The following MCF2L2 variants were observed in gnomAD, a reference collection of about 807,000 sequenced individuals.
MCF2L2 encodes the protein probable guanine nucleotide exchange factor MCF2L2.
MCF2L2 carries 102 observed loss-of-function variants against 150.2 expected under a neutral mutation model. The observed-to-expected ratio is 0.68, with a 90% confidence interval of 0.58 to 0.80. The LOEUF is 0.80. MCF2L2 is among the 30% of genes least tolerant of loss of function. The pLI is 0.00. For synonymous variants in MCF2L2, 465 were observed against 491.3 expected, an observed-to-expected ratio of 0.95 and a Z score of 0.71; for missense variants, 1,256 against 1,372.8, an observed-to-expected ratio of 0.91 and a Z score of 1.34.
intron 15 of MCF2L2, among the ~76,000 whole-genome samples, chr3:183,248,220 A>G (rs1276622942): frequency 6.6e-6 from 1 of 152,088 alleles, no homozygotes; most frequent in Non-Finnish European, 1.5e-5. Flanking sequence ...TGCAGAGCCA[A>G]TTAGGTATTA....
intron 21 of MCF2L2, among the ~76,000 whole-genome samples, chr3:183,218,396 G>A (rs1723021843): frequency 6.6e-6 from 1 of 152,156 alleles, no homozygotes; most frequent in African/African-American, 2.4e-5. Flanking sequence ...AGCACTTTGG[G>A]AGGCCGAGGG....
At chr3:183,303,450 C>G (rs184222127) in intron 10 of MCF2L2, among the ~76,000 whole-genome samples, 2 of 152,316 alleles carry the variant, frequency 1.3e-5, no homozygotes, top group Admixed American at 1.3e-4. Context: ...TCCAGTGCAT[C>G]ACTGCACTGC....
rs545899050 is a variant in MCF2L2 at position 183,188,163 on chromosome 3, T to C, written c.3016+4836A>G. 1.3e-3 allele frequency among the ~76,000 whole-genome samples: 196 copies of C among 152,242 alleles called. 1 individual carries two copies. Among genetic ancestry groups the C allele is most frequent in the African/African-American group, 4.4e-3 (184 of 41,522 alleles). On this transcript the variant is annotated intron_variant, in intron 27 of 29. Transcript: ENST00000328913. ...GGACCCCCACTATACATGCCACCAG[T>C]AGAAGTGCCTGATGGGGAGAGGGAT...
chr3:183,266,406 G>A (rs373262563), intron 15 of MCF2L2, among the ~76,000 whole-genome samples: 20 of 152,322 alleles, frequency 1.3e-4, no homozygotes, highest in African/African-American at 4.6e-4. Context: ...AACTGCAGAT[G>A]CTTTTCAGTT....
chr3:183,333,526 GTA>G (rs1256646395), intron 5 of MCF2L2, among the ~76,000 whole-genome samples: 1 of 152,088 alleles, frequency 6.6e-6, no homozygotes, highest in Admixed American at 6.5e-5. Flanking sequence ...CCAGCTTCTT[GTA>G]TATCTTGTGT....
At chr3:183,425,599 G>A (rs16857466) in intron 1 of MCF2L2, among the ~76,000 whole-genome samples, 43,327 of 151,926 alleles carry the variant, frequency 0.29, 7,012 homozygotes, top group African/African-American at 0.44. Context: ...AGAAACGCCC[G>A]CTCCACCTTG....
In MCF2L2 at chr3:183,223,726, C is replaced by T. The variant is rs180941423; in HGVS notation, c.2209-288G>A. Among the ~76,000 whole-genome samples the T allele has an allele frequency of 1.1e-4, 17 of 152,296 alleles. No individual in the cohort carries two copies. The East Asian group carries it at 2.7e-3, about 24-fold the overall frequency. ...TTCACTAGAAGACAGTGGGGCATTT[C>T]AAGTCCTTCTGAAAAAGAGGCCACC... On this transcript the variant is annotated intron_variant, in intron 19 of 29. Transcript: ENST00000328913.
intron 1 of MCF2L2, among the ~76,000 whole-genome samples, chr3:183,421,610 A>G (rs1715887242): frequency 6.6e-6 from 1 of 152,176 alleles, no homozygotes; most frequent in South Asian, 2.1e-4. Flanking sequence ...TTGCGGCTGT[A>G]CTGAAGTTTT....
intron 15 of MCF2L2, among the ~76,000 whole-genome samples, chr3:183,269,229 G>GTTTTTTTTTTTTTTTTTTT (rs1305607255): frequency 2.6e-5 from 2 of 77,018 alleles, no homozygotes; most frequent in African/African-American, 2.3e-4. Flanking sequence ...CGTTTGGGAA[G>GTTTTTTTTTTTTTTTTTTT]CTTTTTTTTT....
Position 183,317,570 on chromosome 3 carries a change from A to G in MCF2L2, c.753+498T>C, listed in dbSNP as rs145169511. On this transcript the variant is annotated intron_variant, in intron 7 of 29. Coordinates refer to ENST00000328913, the MANE Select transcript of MCF2L2 (RefSeq NM_015078.4). ...TTTTTCTCAAATTCATCCCCAAATA[A>G]AAAGATGCACTCCTGAGAAAGTGAA... Among the ~76,000 whole-genome samples, 19 of 152,252 alleles carry G rather than the reference A, an allele frequency of 1.2e-4. No homozygotes were observed. The East Asian group carries it at 3.7e-3, about 29-fold the overall frequency.
chr3:183,388,495 G>A (rs889158216), intron 2 of MCF2L2, among the ~76,000 whole-genome samples: 1 of 152,226 alleles, frequency 6.6e-6, no homozygotes, highest in African/African-American at 2.4e-5. Context: ...TGCCTAACTA[G>A]GCATCTGGGG....
chr3:183,338,975 C>T, intron 4 of MCF2L2, 56 bp from the exon 5 acceptor site: 2 of 1,552,944 alleles, frequency 1.3e-6, no homozygotes, highest in African/African-American at 1.4e-5. Context: ...TATTCGTTAC[C>T]AGGGTCTACT....
At chr3:183,334,131 T>C (rs145500881) in intron 5 of MCF2L2, among the ~76,000 whole-genome samples, 1 of 151,840 alleles carries the variant, frequency 6.6e-6, no homozygotes, top group East Asian at 1.9e-4. Context: ...AATAGACAAA[T>C]AGGTGAGAAG....
intron 3 of MCF2L2, among the ~76,000 whole-genome samples, chr3:183,350,686 C>T (rs1731077354): frequency 6.6e-6 from 1 of 152,122 alleles, no homozygotes; most frequent in South Asian, 2.1e-4. Context: ...AGGTGGATCA[C>T]GAGGTCAGGA....
chr3:183,298,394 T>C (rs1368761137), intron 11 of MCF2L2: 1 of 152,198 alleles, frequency 6.6e-6, no homozygotes, highest in East Asian at 1.9e-4. Flanking sequence ...AAAGTGGTTG[T>C]CTTTCTAAGT....
intron 15 of MCF2L2, among the ~76,000 whole-genome samples, chr3:183,247,922 T>G (rs2049280): frequency 5.4e-4 from 82 of 152,252 alleles, no homozygotes; most frequent in African/African-American, 1.8e-3. Flanking sequence ...CTGTACCAAG[T>G]TGAAAACAAA....
chr3:183,298,086 C>G (rs1353872465), intron 11 of MCF2L2: 1 of 152,164 alleles, frequency 6.6e-6, no homozygotes, highest in Non-Finnish European at 1.5e-5. Context: ...CGTAAGGAAG[C>G]AAGAATGCAA....
At chr3:183,244,786 C>G (rs1724177766) in intron 15 of MCF2L2, among the ~76,000 whole-genome samples, 1 of 151,834 alleles carries the variant, frequency 6.6e-6, no homozygotes, top group African/African-American at 2.4e-5. Context: ...AGGCCCAGGG[C>G]TCTGAAACAT....
At chr3:183,298,586 A>G (rs189223942) in intron 11 of MCF2L2, 2 of 152,252 alleles carry the variant, frequency 1.3e-5, no homozygotes, top group African/African-American at 4.8e-5. Context: ...TTTTCTTCCT[A>G]CATTTTTGGA....
Sources: allele counts gnomAD v4.1 joint callset (sites outside exome capture counted in the v4.1 genomes callset), GRCh38; gene constraint gnomAD v4.1.1; transcripts MANE v1.5; gene names NCBI Gene and HGNC (gene_info 2026-07-23, HGNC 2026-07-21).